The following POU6F2 variants were observed in gnomAD, a reference collection of about 807,000 sequenced individuals.
POU6F2 encodes POU class 6 homeobox 2, also known as POU domain, class 6, transcription factor 2.
POU6F2 carries 31 observed loss-of-function variants against 71.3 expected under a neutral mutation model. The ratio of observed to expected loss-of-function variants is 0.43; its 90% CI spans 0.33 to 0.59. POU6F2 has a LOEUF of 0.59. Ranked by LOEUF, POU6F2 falls within the 20% of genes least tolerant of loss-of-function variation. POU6F2 has a pLI of 0.04. For missense variants in POU6F2, 783 were observed against 856.8 expected, an observed-to-expected ratio of 0.91 and a Z score of 1.07; for synonymous variants, 347 against 355.7, an observed-to-expected ratio of 0.98 and a Z score of 0.27.
At chr7:39,267,657 G>A (rs1784273633) in intron 4 of POU6F2, among the ~76,000 whole-genome samples, 1 of 150,956 alleles carries the variant, frequency 6.6e-6, no homozygotes, top group Admixed American at 6.6e-5. Flanking sequence ...TTTTTTAGAG[G>A]CAAGGTCTTG....
At chr7:39,204,404 T>C in intron 3 of POU6F2, 78 bp downstream of exon 3, 1 of 1,241,746 alleles carries the variant, frequency 8.1e-7, no homozygotes, top group Non-Finnish European at 1.1e-6. Context: ...TAAATAATAA[T>C]GAGTTAAATC....
chr7:39,080,429 G>A (rs1023670971), intron 1 of POU6F2, among the ~76,000 whole-genome samples: 7 of 152,032 alleles, frequency 4.6e-5, no homozygotes, highest in African/African-American at 7.2e-5. Flanking sequence ...AAAATATGAC[G>A]GTGTGTTTGC....
intron 6 of POU6F2, among the ~76,000 whole-genome samples, chr7:39,414,645 C>T (rs1787631084): frequency 6.6e-6 from 1 of 152,244 alleles, no homozygotes; most frequent in Non-Finnish European, 1.5e-5. Flanking sequence ...AAGCGCCGGG[C>T]TGTGCGTCCT....
intron 4 of POU6F2, among the ~76,000 whole-genome samples, chr7:39,275,250 A>AAG (rs1307243980): frequency 5.2e-4 from 79 of 150,988 alleles, no homozygotes; most frequent in African/African-American, 1.9e-3. Flanking sequence ...ATTCTTACAC[A>AAG]CCAATAACAG....
chr7:39,054,979 G>A (rs944791930), intron 1 of POU6F2, among the ~76,000 whole-genome samples: 17 of 152,070 alleles, frequency 1.1e-4, no homozygotes, highest in Non-Finnish European at 7.3e-5. Context: ...AGCAGGGTTG[G>A]AGTCTCCGGT....
rs151161408 is a variant in POU6F2, at chr7:39,410,253, G to A, written c.1113+3513G>A. 2.4e-3 allele frequency among the ~76,000 whole-genome samples: 360 copies of A among 152,302 alleles called. 4 individuals carry two copies. Among genetic ancestry groups the A allele is most frequent in the African/African-American group, 7.8e-3 (325 of 41,578 alleles). On this transcript the variant is annotated intron_variant, in intron 6 of 9. Transcript: ENST00000518318. Reference sequence around the variant, plus strand: ...CTACTTGGGAGGCGGAGGTTGCAGTGAGCCAAGATTGTGCCACTGCACTCC... The same window carrying A: ...CTACTTGGGAGGCGGAGGTTGCAGTAAGCCAAGATTGTGCCACTGCACTCC...
At chr7:39,024,641 T>C (rs1584505579) in intron 1 of POU6F2, among the ~76,000 whole-genome samples, 1 of 152,148 alleles carries the variant, frequency 6.6e-6, no homozygotes, top group Admixed American at 6.5e-5. Flanking sequence ...TGGCTGTGGG[T>C]TTGTCATAGA....
intron 3 of POU6F2, among the ~76,000 whole-genome samples, chr7:39,206,537 A>G (rs1367951343): frequency 1.3e-5 from 2 of 152,228 alleles, no homozygotes; most frequent in African/African-American, 4.8e-5. Flanking sequence ...TTGTCATTGT[A>G]CATACATAAT....
intron 7 of POU6F2, among the ~76,000 whole-genome samples, chr7:39,449,990 G>A (rs977645307): frequency 2.6e-5 from 4 of 152,188 alleles, no homozygotes; most frequent in Non-Finnish European, 4.4e-5. Flanking sequence ...AGGGAACATT[G>A]TGGAATGATG....
chr7:39,261,913 A>G (rs1435075789), intron 4 of POU6F2, among the ~76,000 whole-genome samples: 1 of 152,220 alleles, frequency 6.6e-6, no homozygotes, highest in Non-Finnish European at 1.5e-5. Flanking sequence ...TCTAAAACAC[A>G]TTCAGTGTTT....
intron 5 of POU6F2, among the ~76,000 whole-genome samples, chr7:39,387,551 T>A (rs941834249): frequency 6.6e-6 from 1 of 152,206 alleles, no homozygotes; most frequent in Non-Finnish European, 1.5e-5. Context: ...AATGTCAGGA[T>A]CAAGTTAGTA....
intron 1 of POU6F2, among the ~76,000 whole-genome samples, chr7:39,082,491 C>G (rs887452722): frequency 6.6e-6 from 1 of 152,156 alleles, no homozygotes; most frequent in African/African-American, 2.4e-5. Context: ...TGCAGAGATC[C>G]TTGTACAGGT....
At chr7:39,140,494 G>T (rs947335039) in intron 2 of POU6F2, among the ~76,000 whole-genome samples, 9 of 152,190 alleles carry the variant, frequency 5.9e-5, no homozygotes, top group African/African-American at 1.9e-4. Context: ...GACTCTAGGG[G>T]ACAATCTGTT....
intron 5 of POU6F2, among the ~76,000 whole-genome samples, chr7:39,384,567 CAA>C (rs34812278): frequency 2.6e-5 from 4 of 151,512 alleles, no homozygotes; most frequent in South Asian, 4.2e-4. Context: ...CAAAAAATGA[CAA>C]AAAAAAAGCC....
chr7:39,268,092 A>G (rs751446096), intron 4 of POU6F2, among the ~76,000 whole-genome samples: 2 of 152,166 alleles, frequency 1.3e-5, no homozygotes, highest in African/African-American at 2.4e-5. Context: ...GACTTTGTCA[A>G]TTTCAGCCCC....
At chr7:39,141,984 G>A (rs1262725213) in intron 2 of POU6F2, among the ~76,000 whole-genome samples, 3 of 152,116 alleles carry the variant, frequency 2.0e-5, no homozygotes, top group African/African-American at 7.2e-5. Flanking sequence ...CTACTCAGGA[G>A]GCTGAGGCAG....
intron 7 of POU6F2, among the ~76,000 whole-genome samples, chr7:39,442,554 TC>T (rs1330250641): frequency 6.6e-6 from 1 of 152,172 alleles, no homozygotes; most frequent in African/African-American, 2.4e-5. Flanking sequence ...GGACTTTTCT[TC>T]CCCCCATCTC....
intron 1 of POU6F2, among the ~76,000 whole-genome samples, chr7:39,009,206 T>C (rs1789184727): frequency 6.6e-6 from 1 of 151,752 alleles, no homozygotes; most frequent in African/African-American, 2.4e-5. Context: ...CCTTGAGCAG[T>C]GGTTTGTAGT....
chr7:39,031,951 G>C (rs1397947913), intron 1 of POU6F2, among the ~76,000 whole-genome samples: 1 of 152,028 alleles, frequency 6.6e-6, no homozygotes, highest in Non-Finnish European at 1.5e-5. Flanking sequence ...GCTCTGACTT[G>C]GAGAAATTTG....
Sources: allele counts gnomAD v4.1 joint callset (sites outside exome capture counted in the v4.1 genomes callset), GRCh38; gene constraint gnomAD v4.1.1; transcripts MANE v1.5; gene names NCBI Gene and HGNC (gene_info 2026-07-23, HGNC 2026-07-21).